NREP: variants seen among roughly 807,000 people sequenced by gnomAD.
NREP encodes the protein neuronal regeneration related protein.
NREP carries 5 observed loss-of-function variants against 8.6 expected under a neutral mutation model. The observed-to-expected ratio is 0.58, with a 90% CI of 0.30 to 1.22. The LOEUF (loss-of-function observed/expected upper bound fraction) is 1.22, where lower values mean the gene tolerates loss of function less well. Ranked by LOEUF, NREP falls within the 50% of genes most tolerant of loss-of-function variation. NREP has a pLI of 0.07. For synonymous variants in NREP, 27 were observed against 28.0 expected, an observed-to-expected ratio of 0.96 and a Z score of 0.11; for missense variants, 86 against 82.5, an observed-to-expected ratio of 1.04 and a Z score of -0.17.
chr5:111,917,720 G>C (rs1755103154), intron 2 of NREP, among the ~76,000 whole-genome samples: 1 of 152,066 alleles, frequency 6.6e-6, no homozygotes, highest in Non-Finnish European at 1.5e-5. Context: ...AAAATAATAA[G>C]AGCTATTTAT....
At chr5:111,856,039 CCT>C (rs1382922687) in intron 2 of NREP, among the ~76,000 whole-genome samples, 1 of 152,134 alleles carries the variant, frequency 6.6e-6, no homozygotes, top group Admixed American at 6.5e-5. Flanking sequence ...GCTGGAGAGG[CCT>C]CTCTCCATTT....
At chr5:111,870,395 A>T (rs942951669) in intron 2 of NREP, among the ~76,000 whole-genome samples, 2 of 152,180 alleles carry the variant, frequency 1.3e-5, no homozygotes, top group African/African-American at 4.8e-5. Flanking sequence ...GTGCCACTGC[A>T]CTCCAGCCTG....
At chr5:111,733,852 C>T (rs932387352) in intron 3 of NREP, 2 of 152,084 alleles carry the variant, frequency 1.3e-5, no homozygotes, top group South Asian at 2.1e-4. Flanking sequence ...CAGATGACTA[C>T]TAGGAAATTA....
At position 111,957,759 on chromosome 5, in the gene NREP, C is replaced by T. The variant is rs1034596597; in HGVS notation, c.135+17515G>A. 2.6e-5 allele frequency among the ~76,000 whole-genome samples: 4 copies of T among 151,240 alleles called. No homozygotes were observed. The East Asian group carries it at 7.8e-4, about 29-fold the overall frequency. ...ATTTTATATATGTAAGGTATGTGTA[C>T]AAAATACAACATAACCAGGTAAGTT... On this transcript the variant is annotated intron_variant, in intron 2 of 3. Coordinates refer to the NREP transcript ENST00000395634.
intron 2 of NREP, among the ~76,000 whole-genome samples, chr5:111,763,170 C>T (rs1751003141): frequency 6.6e-6 from 1 of 152,162 alleles, no homozygotes; most frequent in Admixed American, 6.5e-5. Context: ...AAACCCACAC[C>T]AAGAGTATGC....
intron 2 of NREP, among the ~76,000 whole-genome samples, chr5:111,803,433 C>T (rs1752063462): frequency 6.6e-6 from 1 of 152,156 alleles, no homozygotes; most frequent in South Asian, 2.1e-4. Flanking sequence ...CAGCAAGTTG[C>T]TGTGTCTGAA....
chr5:111,924,753 A>G (rs111388834), intron 2 of NREP, among the ~76,000 whole-genome samples: 545 of 152,150 alleles, frequency 3.6e-3, no homozygotes, highest in African/African-American at 0.012. Flanking sequence ...TTTGGTTAGG[A>G]AAAGAAGTGG....
chr5:111,917,858 G>C (rs946217165), intron 2 of NREP, among the ~76,000 whole-genome samples: 1 of 152,132 alleles, frequency 6.6e-6, no homozygotes, highest in East Asian at 1.9e-4. Flanking sequence ...GTTCTGGCCA[G>C]GGCAATCAGG....
Position 111,916,607 on chromosome 5 carries a change from C to G in NREP, c.135+58667G>C, listed in dbSNP as rs113046033. ...GAGTTTAGACTCTGGGGTGAGATTC[C>G]TTGGCTTCAAATCTTGGCTTTCCAA... On this transcript the variant is annotated intron_variant, in intron 2 of 3. Coordinates refer to the NREP transcript ENST00000395634. Among the ~76,000 whole-genome samples, 105 of 152,244 alleles carry G rather than the reference C, an allele frequency of 6.9e-4. 2 individuals are homozygous for G. The highest frequency in any genetic ancestry group is 2.0e-3 in the African/African-American group (82 of 41,556).
intron 2 of NREP, among the ~76,000 whole-genome samples, chr5:111,781,023 T>A (rs1047754549): frequency 2.0e-5 from 3 of 152,172 alleles, no homozygotes; most frequent in Admixed American, 2.0e-4. Flanking sequence ...TAAAAAACTT[T>A]AAGTTCAAGG....
At chr5:111,787,986 T>C (rs1250740073) in intron 2 of NREP, among the ~76,000 whole-genome samples, 3 of 152,078 alleles carry the variant, frequency 2.0e-5, no homozygotes, top group Non-Finnish European at 4.4e-5. Context: ...TGGCCCCAGC[T>C]ACTTTGGAAG....
At chr5:111,941,322 T>G (rs565896442) in intron 2 of NREP, among the ~76,000 whole-genome samples, 48 of 152,238 alleles carry the variant, frequency 3.2e-4, no homozygotes, top group African/African-American at 9.4e-4. Context: ...AAGCTGCCAT[T>G]ACAAAGTACC....
At chr5:111,784,516 GT>G in intron 2 of NREP, among the ~76,000 whole-genome samples, 1 of 152,290 alleles carries the variant, frequency 6.6e-6, no homozygotes, top group South Asian at 2.1e-4. Flanking sequence ...TATAATGCAC[GT>G]TTCTCAAACT....
chr5:111,761,433 C>T (rs911841040), upstream of NREP, among the ~76,000 whole-genome samples: 7 of 152,164 alleles, frequency 4.6e-5, no homozygotes, highest in African/African-American at 1.7e-4. Context: ...CTTCTTCTCA[C>T]ATTCAGTTTA....
intron 2 of NREP, among the ~76,000 whole-genome samples, chr5:111,863,879 G>T (rs1753606258): frequency 6.6e-6 from 1 of 152,066 alleles, no homozygotes; most frequent in Admixed American, 6.6e-5. Context: ...GGACTGTTTG[G>T]ACTTCCTCAT....
intron 2 of NREP, among the ~76,000 whole-genome samples, chr5:111,784,244 T>A (rs979025662): frequency 3.9e-5 from 6 of 152,062 alleles, no homozygotes; most frequent in African/African-American, 1.4e-4. Flanking sequence ...GCTAGGCCCA[T>A]AGGTGGTATG....
Position 111,919,986 on chromosome 5 carries a change from A to C in NREP, c.135+55288T>G, listed in dbSNP as rs1004721851. 3.6e-3 allele frequency among the ~76,000 whole-genome samples: 389 copies of C among 109,406 alleles called. 4 individuals carry two copies. Among genetic ancestry groups the C allele is most frequent in the Middle Eastern group, 0.01 (2 of 198 alleles). The allele number at this position is 109,406 out of a possible 152,430, so 71.8% of individuals were successfully genotyped here. A position where few individuals can be genotyped will look rare whatever the true frequency, so the allele number is the denominator to read the frequency against. ...AATAAAAAGAATACCCCCCCCCCCCACACACACAAAGAAGTCATATGCATG... is the reference window on the plus strand; with the variant it reads ...AATAAAAAGAATACCCCCCCCCCCCCCACACACAAAGAAGTCATATGCATG... On this transcript the variant is annotated intron_variant, in intron 2 of 3. Coordinates refer to the NREP transcript ENST00000395634.
chr5:111,924,659 A>C (rs1460482067), intron 2 of NREP, among the ~76,000 whole-genome samples: 1 of 152,166 alleles, frequency 6.6e-6, no homozygotes, highest in Non-Finnish European at 1.5e-5. Flanking sequence ...GGGCTACTGC[A>C]GTGTCTGAGG....
chr5:111,976,573 G>A, intron 1 of NREP: 1 of 658,578 alleles, frequency 1.5e-6, no homozygotes, highest in Non-Finnish European at 2.6e-6. Flanking sequence ...CATAAACAGA[G>A]TCAAAACATC....
Sources: gnomAD v4.1 joint callset for allele counts (sites outside exome capture counted in the v4.1 genomes callset) on GRCh38, gnomAD v4.1.1 for gene constraint, MANE v1.5 for transcripts, NCBI Gene and HGNC (gene_info 2026-07-23, HGNC 2026-07-21) for gene names.